Variants in TMEM116 observed in about 807,000 individuals in gnomAD.
TMEM116 encodes transmembrane protein 116.
A neutral mutation model predicts 44.3 loss-of-function variants in TMEM116; 38 were observed. That is an observed-to-expected ratio of 0.86 (90% CI 0.66 to 1.12). The LOEUF (loss-of-function observed/expected upper bound fraction) is 1.12, where lower values mean the gene tolerates loss of function less well. Ranked by LOEUF, TMEM116 falls within the 50% of genes most tolerant of loss-of-function variation. The pLI is 0.00. For missense variants in TMEM116, 354 were observed against 401.7 expected, an observed-to-expected ratio of 0.88 and a Z score of 1.01; for synonymous variants, 132 against 144.8, an observed-to-expected ratio of 0.91 and a Z score of 0.64.
chr12:111,999,088 G>A (rs1243572833), intron 3 of TMEM116, among the ~76,000 whole-genome samples: 1 of 151,802 alleles, frequency 6.6e-6, no homozygotes. Context: ...GTATAATATA[G>A]GTCATGCTCT....
At chr12:111,959,614 G>A (rs2136374454) in intron 4 of TMEM116, among the ~76,000 whole-genome samples, 1 of 152,254 alleles carries the variant, frequency 6.6e-6, no homozygotes, top group South Asian at 2.1e-4. Flanking sequence ...CTCACGTGCA[G>A]AGACACACAT....
At chr12:111,933,234 C>CT (rs2071803915) in intron 9 of TMEM116, among the ~76,000 whole-genome samples, 1 of 135,530 alleles carries the variant, frequency 7.4e-6, no homozygotes, top group African/African-American at 2.8e-5. Context: ...GAGTGAGACT[C>CT]TGTCTCAAAA....
chr12:111,958,201 C>G (rs546080932), intron 4 of TMEM116, among the ~76,000 whole-genome samples: 1 of 148,594 alleles, frequency 6.7e-6, no homozygotes, highest in South Asian at 2.2e-4. Context: ...TATCTGCTGA[C>G]CTTCCCTCCA....
intron 4 of TMEM116, among the ~76,000 whole-genome samples, chr12:111,952,386 C>CATGGT (rs2073798396): frequency 1.3e-5 from 2 of 152,162 alleles, no homozygotes; most frequent in Admixed American, 1.3e-4. Context: ...ACTAATACTA[C>CATGGT]ATGGTGTGGA....
chr12:111,977,180 T>C lies in TMEM116; in HGVS notation c.210+14578A>G, dbSNP rs139146050. ...GCACCTAGAAATATCATATTCAAAC[T>C]GCAGAAAACCAAAGACAAAGAGAAA... On this transcript the variant is annotated intron_variant, in intron 4 of 10. Transcript: ENST00000552374. Among the ~76,000 whole-genome samples the C allele has an allele frequency of 7.0e-4, 106 of 152,196 alleles. 1 individual carries two copies. In the East Asian group the frequency reaches 0.019, roughly 27 times the overall value.
intron 4 of TMEM116, among the ~76,000 whole-genome samples, chr12:111,976,405 G>C (rs917112610): frequency 1.3e-5 from 2 of 151,700 alleles, no homozygotes; most frequent in African/African-American, 2.4e-5. Flanking sequence ...GCTTGAAACC[G>C]GAAGGCGGAG....
In TMEM116 at chr12:111,932,656, A is replaced by C. The variant is rs771352487; in HGVS notation, c.737T>G (p.Val246Gly). ...VAFFCCWGPA[V>G]ILMIIKLTKP... The stretch of plus-strand genomic sequence containing the variant: ...AGTCAGCTTTATGATCATTAGAATG[A>C]CAGCTGTGAATACACAAAGTGTAAA... Residue 246 changes from valine (V) to glycine (G), a missense_variant, in exon 10 of 11, where the codon GTC (valine) becomes GGC (glycine). Coordinates refer to ENST00000552374, the MANE Select transcript of TMEM116 (RefSeq NM_001193531.2). The C allele has an allele frequency of 1.9e-6, 3 of 1,613,980 alleles. No individual in the cohort carries two copies. Among genetic ancestry groups the C allele is most frequent in the Non-Finnish European group, 2.5e-6 (3 of 1,179,828 alleles).
In TMEM116 at chr12:111,934,039, G is replaced by A. The variant is rs187715400; in HGVS notation, c.589-9C>T. 3 of 1,613,836 alleles carry A rather than the reference G, an allele frequency of 1.9e-6. No homozygotes were observed. The highest frequency in any genetic ancestry group is 4.5e-5 in the East Asian group (2 of 44,872). On this transcript the variant is annotated splice_polypyrimidine_tract_variant and intron_variant, in intron 8 of 10. Coordinates refer to ENST00000552374, the MANE Select transcript of TMEM116 (RefSeq NM_001193531.2). ...GCTCGGATAAGTAAGACCTAAATAT[G>A]AGTACAGCAGTGAGCAGTTTGCTTA...
At chr12:111,977,646 G>C (rs1186659827) in intron 4 of TMEM116, among the ~76,000 whole-genome samples, 2 of 151,884 alleles carry the variant, frequency 1.3e-5, no homozygotes, top group Non-Finnish European at 2.9e-5. Context: ...AATAAATAAA[G>C]CTCAAATAAA....
chr12:112,012,061 G>C (rs1470573902), intron 1 of TMEM116: 1 of 152,278 alleles, frequency 6.6e-6, no homozygotes, highest in Non-Finnish European at 1.5e-5. Flanking sequence ...AAGAGCGGCA[G>C]CAGCTGTTGC....
intron 4 of TMEM116, among the ~76,000 whole-genome samples, chr12:111,960,891 T>C (rs750274554): frequency 2.6e-5 from 4 of 152,236 alleles, no homozygotes; most frequent in Non-Finnish European, 4.4e-5. Flanking sequence ...ATCCAGGACC[T>C]GATTTTTTGA....
chr12:111,967,753 T>G (rs949990664), intron 4 of TMEM116, among the ~76,000 whole-genome samples: 1 of 152,114 alleles, frequency 6.6e-6, no homozygotes, highest in Non-Finnish European at 1.5e-5. Context: ...GACTTCCACT[T>G]CTGGCCAAGA....
intron 4 of TMEM116, among the ~76,000 whole-genome samples, chr12:111,986,188 T>C (rs2076220378): frequency 6.6e-6 from 1 of 151,274 alleles, no homozygotes; most frequent in Non-Finnish European, 1.5e-5. Flanking sequence ...AGATCCTCTC[T>C]CTACAAAAAA....
chr12:112,003,687 A>G, intron 3 of TMEM116, 113 bp downstream of exon 3: 1 of 1,402,580 alleles, frequency 7.1e-7, no homozygotes, highest in Non-Finnish European at 9.3e-7. Context: ...CATCATGACA[A>G]ATTTAAAAGT....
At chr12:111,960,491 CAAAAAAAAAA>C (rs545322547) in intron 4 of TMEM116, among the ~76,000 whole-genome samples, 1 of 28,588 alleles carries the variant, frequency 3.5e-5, no homozygotes, top group Non-Finnish European at 6.7e-5. Flanking sequence ...GACTCCGTCT[CAAAAAAAAAA>C]AAAAAAAAAA....
intron 4 of TMEM116, among the ~76,000 whole-genome samples, chr12:111,950,189 G>A (rs2073611835): frequency 6.6e-6 from 1 of 152,066 alleles, no homozygotes; most frequent in African/African-American, 2.4e-5. Context: ...TTTAAGAGAT[G>A]GGTCTTGTGC....
At chr12:111,955,663 T>A (rs1410205715) in intron 4 of TMEM116, among the ~76,000 whole-genome samples, 4 of 152,174 alleles carry the variant, frequency 2.6e-5, no homozygotes, top group African/African-American at 9.7e-5. Flanking sequence ...AGCCTATTAA[T>A]CAAAAACTGA....
intron 4 of TMEM116, among the ~76,000 whole-genome samples, chr12:111,957,145 G>C (rs1208086351): frequency 6.7e-6 from 1 of 150,370 alleles, no homozygotes; most frequent in Non-Finnish European, 1.5e-5. Context: ...GAAGTGAGGA[G>C]TGCCTCTTCC....
chr12:111,931,612 A>G lies in TMEM116; in HGVS notation c.*9T>C. ...AACTCCAGTTCCTGGATGTTCCAGT[A>G]TTGTAGTTTCAAAAAATGGTAGAAG... is the stretch of plus-strand genomic sequence containing the variant. On this transcript the variant is annotated 3_prime_UTR_variant, in exon 11 of 11. Transcript: ENST00000552374. 1 of 1,612,046 alleles carries G rather than the reference A, an allele frequency of 6.2e-7. No individual in the cohort carries two copies. The highest frequency in any genetic ancestry group is 8.5e-7 in the Non-Finnish European group (1 of 1,178,088).
Sources: allele counts gnomAD v4.1 joint callset (sites outside exome capture counted in the v4.1 genomes callset), GRCh38; gene constraint gnomAD v4.1.1; transcripts MANE v1.5; gene names NCBI Gene and HGNC (gene_info 2026-07-23, HGNC 2026-07-21).